Variants in RBFOX1 observed in about 807,000 individuals in gnomAD.
The protein encoded by RBFOX1 is RNA binding protein fox-1 homolog 1.
Under a neutral mutation model 57.7 loss-of-function variants are expected in RBFOX1, and 8 were observed. The ratio of observed to expected loss-of-function variants is 0.14; its 90% CI spans 0.08 to 0.25. The LOEUF is 0.25. Among genes scored for constraint, RBFOX1 ranks in the 10% least tolerant of loss-of-function variants. RBFOX1 has a pLI of 1.00. For missense variants in RBFOX1, 611 were observed against 548.5 expected, an observed-to-expected ratio of 1.11 and a Z score of -1.14; for synonymous variants, 326 against 222.4, an observed-to-expected ratio of 1.47 and a Z score of -4.15.
intron 1 of RBFOX1, among the ~76,000 whole-genome samples, chr16:5,433,506 G>C (rs1450619573): frequency 1.3e-5 from 2 of 152,190 alleles, no homozygotes; most frequent in Non-Finnish European, 2.9e-5. Context: ...GAGGAGGGCA[G>C]AAATGTTGAC....
At position 6,097,016 on chromosome 16, in the gene RBFOX1, G is replaced by T. The variant is rs532661354; in HGVS notation, c.-127+77024G>T. ...GTAGCTCCCATAATTCCCATGTGTT[G>T]TGTGAGGGACTTCGTGGGAGATAAC... is the stretch of plus-strand genomic sequence containing the variant. On this transcript the variant is annotated intron_variant, in intron 1 of 15. Transcript: ENST00000550418. This position sits in a 1 kb window ranked among gnomAD's most constrained non-coding sequence, Gnocchi z 5.0. 1.3e-5 allele frequency among the ~76,000 whole-genome samples: 2 copies of T among 152,114 alleles called. No individual in the cohort carries two copies. The highest frequency in any genetic ancestry group is 2.9e-5 in the Non-Finnish European group (2 of 68,024).
intron 2 of RBFOX1, among the ~76,000 whole-genome samples, chr16:6,392,558 A>G (rs905494806): frequency 2.0e-5 from 3 of 152,198 alleles, no homozygotes; most frequent in Non-Finnish European, 2.9e-5. Flanking sequence ...TGCTTGCTGT[A>G]AGGTCAAAAT....
intron 3 of RBFOX1, among the ~76,000 whole-genome samples, chr16:5,683,250 C>A (rs2050399958): frequency 6.6e-6 from 1 of 152,096 alleles, no homozygotes; most frequent in Non-Finnish European, 1.5e-5. Context: ...TAGTAATGTG[C>A]AGGTCTTACC....
At chr16:6,701,083 A>G (rs1461639920) in intron 3 of RBFOX1, among the ~76,000 whole-genome samples, 1 of 151,978 alleles carries the variant, frequency 6.6e-6, no homozygotes, top group African/African-American at 2.4e-5. Flanking sequence ...GCCTCAGCTG[A>G]CCCATTGGGG....
chr16:7,520,874 T>C (rs1411246503), intron 5 of RBFOX1, among the ~76,000 whole-genome samples: 2 of 152,208 alleles, frequency 1.3e-5, no homozygotes, highest in African/African-American at 4.8e-5. Flanking sequence ...GTGGAAATTT[T>C]ACGTATTCAT....
chr16:5,564,889 C>T (rs73526323), intron 2 of RBFOX1, among the ~76,000 whole-genome samples: 3,985 of 152,140 alleles, frequency 0.026, 189 homozygotes, highest in African/African-American at 0.09. Flanking sequence ...AGACAGCTGT[C>T]CCTCGGGTGA....
intron 3 of RBFOX1, among the ~76,000 whole-genome samples, chr16:6,982,229 C>T (rs2089108944): frequency 6.6e-6 from 1 of 152,214 alleles, no homozygotes; most frequent in East Asian, 1.9e-4. Context: ...TATCAGGTAC[C>T]CGGGGAGAAA....
chr16:7,255,553 C>A (rs556458431), intron 4 of RBFOX1, among the ~76,000 whole-genome samples: 4 of 152,104 alleles, frequency 2.6e-5, no homozygotes, highest in African/African-American at 9.7e-5. Flanking sequence ...AGAATTTGCA[C>A]CACATTATCT....
At chr16:6,101,538 G>A (rs564359700) in intron 1 of RBFOX1, among the ~76,000 whole-genome samples, 1 of 152,044 alleles carries the variant, frequency 6.6e-6, no homozygotes, top group Non-Finnish European at 1.5e-5. Context: ...CTAGGCTGGA[G>A]TGCAATGATG....
At chr16:7,492,800 C>G (rs2067349411) in intron 4 of RBFOX1, among the ~76,000 whole-genome samples, 1 of 152,170 alleles carries the variant, frequency 6.6e-6, no homozygotes, top group Non-Finnish European at 1.5e-5. Context: ...CACCATGTGA[C>G]ATGCCTGCTT....
chr16:5,646,605 C>T (rs1194741168), intron 3 of RBFOX1, among the ~76,000 whole-genome samples: 3 of 152,042 alleles, frequency 2.0e-5, no homozygotes, highest in African/African-American at 4.8e-5. Context: ...GAGGGCATGG[C>T]AGGGGTCTGG....
At chr16:6,868,151 A>AT (rs2060255496) in intron 3 of RBFOX1, among the ~76,000 whole-genome samples, 1 of 152,238 alleles carries the variant, frequency 6.6e-6, no homozygotes, top group Non-Finnish European at 1.5e-5. Context: ...TTAGCAAATA[A>AT]TTATTCCTAT....
At chr16:7,237,948 G>C (rs1035497833) in intron 4 of RBFOX1, among the ~76,000 whole-genome samples, 2 of 152,302 alleles carry the variant, frequency 1.3e-5, no homozygotes, top group South Asian at 4.1e-4. Context: ...AGGTTACAGT[G>C]AGCCCACGTC....
chr16:7,543,924 T>C (rs2083699692), intron 5 of RBFOX1, among the ~76,000 whole-genome samples: 1 of 152,144 alleles, frequency 6.6e-6, no homozygotes, highest in Non-Finnish European at 1.5e-5. Flanking sequence ...TTTCACCATG[T>C]TGGCCAGGAT....
chr16:5,953,258 C>T (rs1423994474), intron 4 of RBFOX1, among the ~76,000 whole-genome samples: 1 of 152,070 alleles, frequency 6.6e-6, no homozygotes, highest in African/African-American at 2.4e-5. Context: ...TTAAGGATGC[C>T]CAATGAAACT....
At chr16:6,524,573 G>C (rs1327870493) in intron 2 of RBFOX1, among the ~76,000 whole-genome samples, 1 of 152,150 alleles carries the variant, frequency 6.6e-6, no homozygotes, top group Non-Finnish European at 1.5e-5. Flanking sequence ...TTTTGAGTTT[G>C]TTTTGTGTTA....
At chr16:6,180,187 G>A (rs926247911) in intron 1 of RBFOX1, among the ~76,000 whole-genome samples, 8 of 152,048 alleles carry the variant, frequency 5.3e-5, no homozygotes, top group Non-Finnish European at 1.2e-4. Flanking sequence ...AAGGTATTTC[G>A]AGGTGTTAGT....
intron 2 of RBFOX1, among the ~76,000 whole-genome samples, chr16:5,502,432 G>C (rs934361568): frequency 6.6e-6 from 1 of 152,124 alleles, no homozygotes; most frequent in Admixed American, 6.5e-5. Flanking sequence ...AGGGTCAGGG[G>C]GTGGACATGG....
At chr16:6,754,742 T>C (rs2075514830) in intron 3 of RBFOX1, among the ~76,000 whole-genome samples, 1 of 152,076 alleles carries the variant, frequency 6.6e-6, no homozygotes, top group Non-Finnish European at 1.5e-5. Flanking sequence ...TTAGGGTACA[T>C]GTGCACAATG....
Sources: gnomAD v4.1 joint callset for allele counts (sites outside exome capture counted in the v4.1 genomes callset) on GRCh38, gnomAD v4.1.1 for gene constraint, Gnocchi (gnomAD v3.1) non-coding constraint, MANE v1.5 for transcripts, NCBI Gene and HGNC (gene_info 2026-07-23, HGNC 2026-07-21) for gene names.